CACNA1D: variants seen among roughly 807,000 people sequenced by gnomAD.
CACNA1D encodes voltage-dependent L-type calcium channel subunit alpha-1D.
CACNA1D carries 55 observed loss-of-function variants against 257.1 expected under a neutral mutation model. The ratio of observed to expected loss-of-function variants is 0.21; its 90% confidence interval spans 0.17 to 0.27. The LOEUF (loss-of-function observed/expected upper bound fraction) is 0.27. CACNA1D is among the 10% of genes least tolerant of loss of function. The pLI, the probability that CACNA1D is intolerant of heterozygous loss-of-function variation, is 1.00. For missense variants in CACNA1D, 1,876 were observed against 2,784.0 expected, an observed-to-expected ratio of 0.67 and a Z score of 7.34; for synonymous variants, 980 against 1,014.9, an observed-to-expected ratio of 0.97 and a Z score of 0.65.
chr3:53,798,479 G>T (rs2095519450), intron 40 of CACNA1D, among the ~76,000 whole-genome samples: 1 of 152,190 alleles, frequency 6.6e-6, no homozygotes, highest in Non-Finnish European at 1.5e-5. Flanking sequence ...GAACTGTCTT[G>T]GTTTGACCCG....
At position 53,671,072 on chromosome 3, in the gene CACNA1D, C is replaced by T. The variant is rs945792073; in HGVS notation, c.1117-1951C>T. Among the ~76,000 whole-genome samples the T allele has an allele frequency of 3.3e-5, 5 of 152,164 alleles. No individual in the cohort carries two copies. In the South Asian group the frequency reaches 1.0e-3, roughly 32 times the overall value. Reference sequence around the variant, plus strand: ...TCCCCTCCAGGCCTCAACTGTCATTCCAAGTGATACTTCTGATTTGAGCAA... The same window carrying T: ...TCCCCTCCAGGCCTCAACTGTCATTTCAAGTGATACTTCTGATTTGAGCAA... On this transcript the variant is annotated intron_variant, in intron 7 of 47. Transcript: ENST00000350061.
chr3:53,750,708 G>C (rs1176544493), intron 27 of CACNA1D, among the ~76,000 whole-genome samples: 1 of 152,202 alleles, frequency 6.6e-6, no homozygotes, highest in East Asian at 1.9e-4. Flanking sequence ...CAGCCTCTGA[G>C]GTCCAGCACA....
chr3:53,527,259 T>C (rs1409760079), intron 3 of CACNA1D, among the ~76,000 whole-genome samples: 3 of 135,224 alleles, frequency 2.2e-5, no homozygotes, highest in Non-Finnish European at 4.7e-5. Flanking sequence ...TTCTCAGATA[T>C]CCCATGTCTG....
chr3:53,630,268 G>C (rs1371137538), intron 3 of CACNA1D, among the ~76,000 whole-genome samples: 1 of 152,192 alleles, frequency 6.6e-6, no homozygotes, highest in Non-Finnish European at 1.5e-5. Flanking sequence ...TGCCTCTTAT[G>C]TAACAATAGA....
chr3:53,777,421 G>T (rs2095403921), intron 37 of CACNA1D, among the ~76,000 whole-genome samples: 1 of 152,184 alleles, frequency 6.6e-6, no homozygotes, highest in Non-Finnish European at 1.5e-5. Context: ...AGGTTCCCAT[G>T]TTAGGAAGTT....
intron 4 of CACNA1D, among the ~76,000 whole-genome samples, chr3:53,655,560 G>A (rs1019783965): frequency 6.6e-6 from 1 of 152,134 alleles, no homozygotes; most frequent in Non-Finnish European, 1.5e-5. Context: ...CTTCTCTAAC[G>A]ATCAGTAATA....
rs1015002927 is a variant in CACNA1D, at chr3:53,774,628, T to C, written c.4152T>C (p.Asn1384=). The change falls in exon 34 of 48, where the codon AAT becomes AAC. Residue 1384 remains asparagine, a synonymous_variant. Coordinates refer to ENST00000350061, the MANE Select transcript of CACNA1D (RefSeq NM_001128840.3). This position sits in a 1 kb window ranked among gnomAD's most constrained non-coding sequence, Gnocchi z 4.3. ...CCATGAGAGATAACAACCAGATCAA[T>C]AGGAACAATAACTTCCAGACGTTTC... ...KVAMRDNNQI[N]RNNNFQTFPQ... is the part of the protein sequence containing the mutation. 9 of 1,612,620 alleles carry C rather than the reference T, an allele frequency of 5.6e-6. No homozygotes were observed. Among genetic ancestry groups the C allele is most frequent in the Non-Finnish European group, 7.6e-6 (9 of 1,178,746 alleles).
At chr3:53,781,404 G>T (rs191955807) in intron 38 of CACNA1D, among the ~76,000 whole-genome samples, 162 bp from the exon 39 acceptor site, 319 of 152,308 alleles carry the variant, frequency 2.1e-3, no homozygotes, top group African/African-American at 7.2e-3. Flanking sequence ...CTGAATATAG[G>T]AAGTGTGTTT....
intron 40 of CACNA1D, among the ~76,000 whole-genome samples, chr3:53,795,089 A>G (rs1025302267): frequency 6.6e-6 from 1 of 152,218 alleles, no homozygotes; most frequent in Admixed American, 6.5e-5. Flanking sequence ...TTCGTCTAGC[A>G]TGGCCGAGTC....
chr3:53,577,042 G>A (rs1320258682), intron 3 of CACNA1D, among the ~76,000 whole-genome samples: 1 of 152,196 alleles, frequency 6.6e-6, no homozygotes, highest in African/African-American at 2.4e-5. Flanking sequence ...GGCAATCGGA[G>A]CTGTAGAGCC....
At chr3:53,711,638 C>T (rs1031114916) in intron 9 of CACNA1D, among the ~76,000 whole-genome samples, 5 of 152,230 alleles carry the variant, frequency 3.3e-5, no homozygotes, top group Admixed American at 2.0e-4. Flanking sequence ...ACAGAGGGGA[C>T]ACACTGTACT....
intron 3 of CACNA1D, among the ~76,000 whole-genome samples, chr3:53,504,955 A>C (rs2090763216): frequency 6.6e-6 from 1 of 152,024 alleles, no homozygotes; most frequent in Non-Finnish European, 1.5e-5. Flanking sequence ...TCATCTGCCA[A>C]GTCAGACCTT....
chr3:53,706,474 T>C (rs1230317959), intron 9 of CACNA1D, among the ~76,000 whole-genome samples: 1 of 152,204 alleles, frequency 6.6e-6, no homozygotes, highest in African/African-American at 2.4e-5. Flanking sequence ...GACCCCACTT[T>C]CCTTGTCTGC....
intron 3 of CACNA1D, among the ~76,000 whole-genome samples, chr3:53,645,684 T>C (rs1015632234): frequency 6.6e-6 from 1 of 152,248 alleles, no homozygotes; most frequent in Non-Finnish European, 1.5e-5. Context: ...AAAATTTAAA[T>C]TTCTATTGTG....
intron 9 of CACNA1D, among the ~76,000 whole-genome samples, chr3:53,704,545 T>C (rs1446931669): frequency 6.6e-6 from 1 of 152,172 alleles, no homozygotes; most frequent in African/African-American, 2.4e-5. Flanking sequence ...TGTCTGCCTG[T>C]CCTCTGCACA....
At chr3:53,653,088 T>TCCA (rs2094114038) in intron 4 of CACNA1D, among the ~76,000 whole-genome samples, 4 of 152,118 alleles carry the variant, frequency 2.6e-5, no homozygotes, top group Admixed American at 6.5e-5. Flanking sequence ...CCCTGTCTAC[T>TCCA]AAAAATGCAA....
intron 45 of CACNA1D, among the ~76,000 whole-genome samples, chr3:53,806,143 CCCT>C (rs1182385340): frequency 1.4e-5 from 2 of 139,190 alleles, no homozygotes; most frequent in Admixed American, 7.2e-5. Context: ...CCCTCATCTA[CCCT>C]CCTCCTCCTT....
At chr3:53,519,718 T>C (rs740757) in intron 3 of CACNA1D, among the ~76,000 whole-genome samples, 123,524 of 152,140 alleles carry the variant, frequency 0.81, 50,328 homozygotes, top group African/African-American at 0.86. Flanking sequence ...CTATATTCAC[T>C]GTTAAGCAAC....
chr3:53,592,895 G>T (rs557100171), intron 3 of CACNA1D, among the ~76,000 whole-genome samples: 1 of 152,108 alleles, frequency 6.6e-6, no homozygotes, highest in African/African-American at 2.4e-5. Flanking sequence ...TGCCATGTTG[G>T]CCCGGTTGGT....
Sources: allele counts gnomAD v4.1 joint callset (sites outside exome capture counted in the v4.1 genomes callset), GRCh38; gene constraint gnomAD v4.1.1; non-coding constraint Gnocchi (gnomAD v3.1); transcripts MANE v1.5; gene names NCBI Gene and HGNC (gene_info 2026-07-23, HGNC 2026-07-21).